IGFL2: variants seen among roughly 807,000 people sequenced by gnomAD.
IGFL2 encodes the protein insulin growth factor-like family member 2.
In IGFL2, 7 loss-of-function variants were observed where a neutral mutation model predicts 13.9. That is an observed-to-expected ratio of 0.51 (90% CI 0.29 to 0.95). IGFL2 has a LOEUF of 0.95. Ranked by LOEUF, IGFL2 falls within the 40% of genes least tolerant of loss-of-function variation. The pLI, the probability that IGFL2 is intolerant of heterozygous loss-of-function variation, is 0.08. For missense variants in IGFL2, 138 were observed against 147.8 expected, an observed-to-expected ratio of 0.93 and a Z score of 0.34; for synonymous variants, 55 against 55.8, an observed-to-expected ratio of 0.99 and a Z score of 0.07.
chr19:46,128,428 C>T, the IGFL2 span, among the ~76,000 whole-genome samples: 5 of 152,154 alleles, frequency 3.3e-5, no homozygotes, highest in East Asian at 9.6e-4. Context: ...TACCAGTTTT[C>T]AAGGTGAATT....
At chr19:46,197,878 G>C in the IGFL2 span, among the ~76,000 whole-genome samples, 1 of 151,990 alleles carries the variant, frequency 6.6e-6, no homozygotes, top group Non-Finnish European at 1.5e-5. Context: ...TCCCATCACA[G>C]ATGGGGTTTT....
the IGFL2 span, among the ~76,000 whole-genome samples, chr19:46,103,813 T>C: frequency 6.6e-6 from 1 of 152,158 alleles, no homozygotes; most frequent in African/African-American, 2.4e-5. Flanking sequence ...GGGTTACTAT[T>C]ATCATTTAGG....
chr19:46,126,475 T>G, the IGFL2 span, among the ~76,000 whole-genome samples: 1 of 152,228 alleles, frequency 6.6e-6, no homozygotes, highest in Non-Finnish European at 1.5e-5. Context: ...TCCTTCTGCC[T>G]TTCATTATGT....
the IGFL2 span, among the ~76,000 whole-genome samples, chr19:46,128,782 C>G: frequency 1.3e-5 from 2 of 152,174 alleles, no homozygotes; most frequent in Non-Finnish European, 2.9e-5. Context: ...TGATGTTCAT[C>G]AAGGATATTG....
At chr19:46,166,049 C>T (rs1278764467), downstream of IGFL2, among the ~76,000 whole-genome samples, 1 of 152,208 alleles carries the variant, frequency 6.6e-6, no homozygotes, top group Non-Finnish European at 1.5e-5. Context: ...AGCAGGTGGA[C>T]TAGCTATCCC....
chr19:46,112,243 C>T, the IGFL2 span: 2 of 152,182 alleles, frequency 1.3e-5, no homozygotes, highest in Non-Finnish European at 2.9e-5. Flanking sequence ...CTTTGTTGTG[C>T]TTCACATTTA....
At chr19:46,092,868 A>G in the IGFL2 span, among the ~76,000 whole-genome samples, 1 of 152,202 alleles carries the variant, frequency 6.6e-6, no homozygotes, top group Non-Finnish European at 1.5e-5. Context: ...AAAAGGGCAT[A>G]CTGTCTCTCT....
At chr19:46,149,149 TCC>T (rs1973308134) in intron 1 of IGFL2, 3 of 218,326 alleles carry the variant, frequency 1.4e-5, no homozygotes, top group Non-Finnish European at 3.5e-5. Context: ...TCTCTCTCTC[TCC>T]CTCTCTCTCT....
the IGFL2 span, chr19:46,113,443 C>T: frequency 1.2e-4 from 45 of 389,612 alleles, no homozygotes; most frequent in East Asian, 2.4e-3. Flanking sequence ...ATGGAATCCA[C>T]GTAGATATCC....
chr19:46,153,293 C>T (rs1320047475), intron 1 of IGFL2, among the ~76,000 whole-genome samples: 1 of 152,114 alleles, frequency 6.6e-6, no homozygotes, highest in Non-Finnish European at 1.5e-5. Flanking sequence ...ATGGGCATTT[C>T]CCGTGTATGG....
the IGFL2 span, among the ~76,000 whole-genome samples, chr19:46,193,797 C>CT: frequency 6.6e-6 from 1 of 152,178 alleles, no homozygotes; most frequent in Admixed American, 6.5e-5. Flanking sequence ...TGATGCTGCT[C>CT]TGTCCAGCAG....
At chr19:46,124,402 G>A in the IGFL2 span, 1 of 1,423,658 alleles carries the variant, frequency 7.0e-7, no homozygotes, top group Non-Finnish European at 9.8e-7. Context: ...AACAAACAGA[G>A]GTTAGGGTGG....
At chr19:46,085,861 TC>T in the IGFL2 span, among the ~76,000 whole-genome samples, 1 of 152,224 alleles carries the variant, frequency 6.6e-6, no homozygotes, top group Non-Finnish European at 1.5e-5. Flanking sequence ...AAAAGGATTT[TC>T]TTTTCTCCTT....
the IGFL2 span, among the ~76,000 whole-genome samples, chr19:46,196,612 C>T: frequency 2.0e-5 from 3 of 152,236 alleles, no homozygotes; most frequent in South Asian, 6.2e-4. Context: ...TCCTCCAACA[C>T]CAGGAAACAA....
chr19:46,124,173 A>G, the IGFL2 span: 1 of 1,610,076 alleles, frequency 6.2e-7, no homozygotes, highest in African/African-American at 1.4e-5. Context: ...GCAGACATTG[A>G]TGGTGTACAT....
At chr19:46,191,127 T>G in the IGFL2 span, among the ~76,000 whole-genome samples, 2 of 152,138 alleles carry the variant, frequency 1.3e-5, no homozygotes, top group Admixed American at 1.3e-4. Flanking sequence ...TCACCTTCCT[T>G]TCTAAATTTA....
the IGFL2 span, chr19:46,210,003 G>C: frequency 6.6e-6 from 1 of 152,238 alleles, no homozygotes; most frequent in African/African-American, 2.4e-5. Context: ...CAGGGGGGGA[G>C]CGGAAAGAAA....
the IGFL2 span, among the ~76,000 whole-genome samples, chr19:46,196,703 C>T: frequency 1.3e-5 from 2 of 152,216 alleles, no homozygotes; most frequent in Non-Finnish European, 2.9e-5. Flanking sequence ...CCCTTGAGCA[C>T]AGGGAGACTG....
chr19:46,188,905 C>G, the IGFL2 span, among the ~76,000 whole-genome samples: 4 of 152,220 alleles, frequency 2.6e-5, no homozygotes, highest in African/African-American at 9.7e-5. Context: ...CAGGCAACTG[C>G]GAAGTCTTCC....
Sources: allele counts gnomAD v4.1 joint callset (sites outside exome capture counted in the v4.1 genomes callset), GRCh38; gene constraint gnomAD v4.1.1; transcripts MANE v1.5; gene names NCBI Gene and HGNC (gene_info 2026-07-23, HGNC 2026-07-21).